CDH11: variants seen among roughly 807,000 people sequenced by gnomAD.
The protein encoded by CDH11 is cadherin-11.
Under a neutral mutation model 67.8 loss-of-function variants are expected in CDH11, and 11 were observed. The observed-to-expected ratio is 0.16, with a 90% CI of 0.10 to 0.27. The LOEUF is 0.27. Among genes scored for constraint, CDH11 ranks in the 10% least tolerant of loss-of-function variants. The probability of loss-of-function intolerance (pLI) is 1.00; values close to 1 mark genes in which losing one functional copy is unlikely to be tolerated. For missense variants in CDH11, 847 were observed against 1,031.2 expected (o/e 0.82, Z 2.45); for synonymous variants, 419 against 400.0 (o/e 1.05, Z -0.57).
At chr16:64,987,049 G>A (rs868806834) in intron 7 of CDH11, 1 of 152,120 alleles carries the variant, frequency 6.6e-6, no homozygotes, top group African/African-American at 2.4e-5. Flanking sequence ...GCACCAAGGA[G>A]TTTAATATTC....
intron 1 of CDH11, among the ~76,000 whole-genome samples, chr16:65,108,111 C>T (rs1322090561): frequency 1.3e-5 from 2 of 152,108 alleles, no homozygotes. Context: ...TAAGTGAAAA[C>T]TGTTGCTTTT....
At position 64,992,861 on chromosome 16, in the gene CDH11, C is replaced by T. The variant is rs1306151960; in HGVS notation, c.643+54G>A. 2.5e-6 allele frequency: 4 copies of T among 1,578,400 alleles called. No homozygotes were observed. In the East Asian group the frequency reaches 9.0e-5, roughly 35 times the overall value. On this transcript the variant is annotated intron_variant, in intron 5 of 12. Transcript: ENST00000268603. ...GAGTATTAAATAAGTTCTGGTCAGG[C>T]CTGGGACTTCTTATTCACCATGTGT...
chr16:64,969,751 T>C (rs1208444605), intron 11 of CDH11, among the ~76,000 whole-genome samples: 1 of 150,966 alleles, frequency 6.6e-6, no homozygotes, highest in African/African-American at 2.4e-5. Context: ...GCAAACACTA[T>C]TTGTGCCACC....
At chr16:64,958,233 C>T (rs1423365506) in intron 11 of CDH11, among the ~76,000 whole-genome samples, 1 of 152,198 alleles carries the variant, frequency 6.6e-6, no homozygotes, top group Non-Finnish European at 1.5e-5. Context: ...GCTGTGCTTT[C>T]CAATGAATCT....
chr16:65,069,603 GC>G (rs1181078415), intron 1 of CDH11, among the ~76,000 whole-genome samples: 32 of 152,266 alleles, frequency 2.1e-4, no homozygotes, highest in African/African-American at 7.2e-4. Context: ...GCCCAGAGAT[GC>G]CCAAAGAACA....
chr16:64,995,016 T>C (rs1252542586), intron 4 of CDH11, among the ~76,000 whole-genome samples: 21 of 152,158 alleles, frequency 1.4e-4, no homozygotes, highest in Admixed American at 1.3e-3. Context: ...GTAAATGATC[T>C]GTACAAGGAG....
chr16:64,971,902 C>T (rs1307543422), intron 10 of CDH11, 29 bp downstream of exon 10: 3 of 1,612,492 alleles, frequency 1.9e-6, no homozygotes, highest in South Asian at 2.2e-5. Flanking sequence ...TGCATTGTTC[C>T]TAGCCAAGAA....
At chr16:65,021,569 C>CACATATATATATATAT (rs4048808) in intron 2 of CDH11, among the ~76,000 whole-genome samples, 5 of 139,034 alleles carry the variant, frequency 3.6e-5, no homozygotes, top group South Asian at 2.3e-4. Flanking sequence ...CACACACACA[C>CACATATATATATATAT]ATATATATAT....
rs1389033491 is a variant in CDH11 at position 64,988,198 on chromosome 16, T to C, written c.958A>G (p.Thr320Ala). The change falls in exon 7 of 13, where the codon ACG (threonine) becomes GCG (alanine). Residue 320 changes from threonine (T) to alanine (A), a missense_variant. Physicochemically the swap from Thr to Ala is moderately conservative, Grantham distance 58. Transcript: ENST00000268603. ...ACCCCCTCCTGTGTTTCATAGTCCGTTGTGATTTCAAACGATTCCATACCA... is the reference window on the plus strand; with the variant it reads ...ACCCCCTCCTGTGTTTCATAGTCCGCTGTGATTTCAAACGATTCCATACCA... The part of the protein sequence containing the change: ...GDGMESFEIT[T>A]DYETQEGVIK... The C allele has an allele frequency of 1.2e-6, 2 of 1,613,088 alleles. No homozygotes were observed. Among genetic ancestry groups the C allele is most frequent in the South Asian group, 1.1e-5 (1 of 90,838 alleles).
intron 11 of CDH11, among the ~76,000 whole-genome samples, chr16:64,965,973 A>C (rs1215854526): frequency 6.6e-6 from 1 of 152,104 alleles, no homozygotes; most frequent in Non-Finnish European, 1.5e-5. Flanking sequence ...TGTATAGCTC[A>C]AACTCTAGGT....
intron 1 of CDH11, among the ~76,000 whole-genome samples, chr16:65,109,707 A>T (rs969894691): frequency 1.3e-5 from 2 of 152,098 alleles, no homozygotes; most frequent in Non-Finnish European, 2.9e-5. Flanking sequence ...ACAGAACTGG[A>T]TGTGTCCCTT....
intron 2 of CDH11, among the ~76,000 whole-genome samples, chr16:65,045,349 A>ATATATATATC (rs1555522685): frequency 3.1e-4 from 26 of 82,708 alleles, no homozygotes; most frequent in Non-Finnish European, 5.1e-4. Context: ...ATATATATAT[A>ATATATATATC]TATATATATA....
At chr16:65,109,445 C>T (rs1376100032) in intron 1 of CDH11, among the ~76,000 whole-genome samples, 1 of 152,144 alleles carries the variant, frequency 6.6e-6, no homozygotes, top group Non-Finnish European at 1.5e-5. Flanking sequence ...GTCCTTGCTG[C>T]CCAAACTCAC....
intron 12 of CDH11, chr16:64,948,751 T>A: frequency 6.2e-7 from 1 of 1,602,720 alleles, no homozygotes; most frequent in Non-Finnish European, 8.5e-7. Flanking sequence ...TCTCATGTCT[T>A]CCCTGGGAGA....
intron 1 of CDH11, among the ~76,000 whole-genome samples, chr16:65,091,431 C>T (rs1425605725): frequency 6.6e-6 from 1 of 152,126 alleles, no homozygotes; most frequent in Non-Finnish European, 1.5e-5. Flanking sequence ...TCTATGAATG[C>T]TGTTGATCGT....
intron 2 of CDH11, among the ~76,000 whole-genome samples, chr16:65,010,328 A>C (rs1330637123): frequency 6.6e-6 from 1 of 152,122 alleles, no homozygotes; most frequent in Non-Finnish European, 1.5e-5. Flanking sequence ...ATTCAAGCAT[A>C]TTTTATTCCC....
intron 1 of CDH11, among the ~76,000 whole-genome samples, chr16:65,104,630 C>T (rs1009592665): frequency 6.6e-6 from 1 of 152,088 alleles, no homozygotes; most frequent in Non-Finnish European, 1.5e-5. Context: ...TGGTATAAAC[C>T]CCTTTGGCAC....
chr16:65,077,481 C>A (rs948009319), intron 1 of CDH11, among the ~76,000 whole-genome samples: 4 of 152,204 alleles, frequency 2.6e-5, no homozygotes, highest in Admixed American at 1.3e-4. Flanking sequence ...GAGTGTATTG[C>A]CTAGTCTAAC....
intron 3 of CDH11, among the ~76,000 whole-genome samples, chr16:65,002,448 A>C (rs150152211): frequency 6.6e-6 from 1 of 152,280 alleles, no homozygotes; most frequent in East Asian, 1.9e-4. Context: ...TCATGGCTGA[A>C]ATCTCTTTTT....
Sources: gnomAD v4.1 joint callset for allele counts (sites outside exome capture counted in the v4.1 genomes callset) on GRCh38, gnomAD v4.1.1 for gene constraint, MANE v1.5 for transcripts, NCBI Gene and HGNC (gene_info 2026-07-23, HGNC 2026-07-21) for gene names.